The following SMCO4 variants were observed in gnomAD, a reference collection of about 807,000 sequenced individuals.
The protein encoded by SMCO4 is single-pass membrane protein with coiled-coil domains 4, also known as single-pass membrane and coiled-coil domain-containing protein 4.
SMCO4 carries 4 observed loss-of-function variants against 3.6 expected under a neutral mutation model. The ratio of observed to expected loss-of-function variants is 1.11; its 90% CI spans 0.54 to 2.53. The LOEUF (loss-of-function observed/expected upper bound fraction) is 2.53, where lower values mean the gene tolerates loss of function less well. Among genes scored for constraint, SMCO4 ranks in the 30% most tolerant of loss-of-function variants. The pLI is 0.02. For synonymous variants in SMCO4, 36 were observed against 35.3 expected (o/e 1.02, Z -0.07); for missense variants, 70 against 80.8 (o/e 0.87, Z 0.51).
chr11:93,491,837 A>G (rs1337440711), intron 2 of SMCO4, among the ~76,000 whole-genome samples: 1 of 152,156 alleles, frequency 6.6e-6, no homozygotes, highest in Non-Finnish European at 1.5e-5. Flanking sequence ...GCCTGTCCCC[A>G]TGTTTTTATG....
chr11:93,483,790 G>C (rs1489384828), intron 2 of SMCO4, among the ~76,000 whole-genome samples: 1 of 152,192 alleles, frequency 6.6e-6, no homozygotes, highest in African/African-American at 2.4e-5. Flanking sequence ...AGAAAGGACT[G>C]GCAGAGTCAA....
chr11:93,551,550 G>A, the SMCO4 span, among the ~76,000 whole-genome samples: 6 of 152,170 alleles, frequency 3.9e-5, no homozygotes, highest in African/African-American at 1.4e-4. Flanking sequence ...TCTGCTCTCT[G>A]AATTCCTGAC....
At chr11:93,530,871 C>A (rs2605629) in intron 1 of SMCO4, among the ~76,000 whole-genome samples, 2 of 152,066 alleles carry the variant, frequency 1.3e-5, no homozygotes, top group East Asian at 3.9e-4. Flanking sequence ...GACTCTTCCA[C>A]TTTTTCAGCA....
chr11:93,521,548 A>C (rs1331156857), intron 1 of SMCO4, among the ~76,000 whole-genome samples: 1 of 152,222 alleles, frequency 6.6e-6, no homozygotes, highest in Non-Finnish European at 1.5e-5. Context: ...CTGCACAAAC[A>C]GAATTCAAAC....
Position 93,539,370 on chromosome 11 carries a change from A to G in SMCO4, c.-154+3906T>C, listed in dbSNP as rs576859291. 4.6e-5 allele frequency among the ~76,000 whole-genome samples: 7 copies of G among 152,366 alleles called. No homozygotes were observed. In the East Asian group the frequency reaches 1.3e-3, roughly 29 times the overall value. On this transcript the variant is annotated intron_variant, in intron 1 of 2. Transcript: ENST00000298966. ...ACCAAAATTAACTCATTATCAAAATAATGTAGGAGGACGGAAGGAACAGGA... is the reference window on the plus strand; with the variant it reads ...ACCAAAATTAACTCATTATCAAAATGATGTAGGAGGACGGAAGGAACAGGA...
At chr11:93,493,684 G>C (rs1381527465) in intron 2 of SMCO4, among the ~76,000 whole-genome samples, 1 of 152,194 alleles carries the variant, frequency 6.6e-6, no homozygotes, top group Non-Finnish European at 1.5e-5. Context: ...GGTACAGATA[G>C]GACCTGGCTT....
intron 2 of SMCO4, among the ~76,000 whole-genome samples, chr11:93,492,866 AG>A (rs1948734662): frequency 6.6e-6 from 1 of 152,240 alleles, no homozygotes; most frequent in African/African-American, 2.4e-5. Flanking sequence ...GCTTCACTGC[AG>A]ACCTTTGATT....
chr11:93,498,240 A>G (rs573879201), intron 2 of SMCO4, among the ~76,000 whole-genome samples: 2 of 152,364 alleles, frequency 1.3e-5, no homozygotes, highest in South Asian at 4.1e-4. Context: ...TCATAAAATT[A>G]ATAAGAAACT....
rs536512784 is a variant in SMCO4, at chr11:93,480,343, G to A, written c.-80-1074C>T. 2.4e-4 allele frequency among the ~76,000 whole-genome samples: 37 copies of A among 152,170 alleles called. 1 individual carries two copies. The highest frequency in any genetic ancestry group is 8.3e-4 in the South Asian group (4 of 4,818). ...CATGGGCACTGGAGCAGGAGGTGCC[G>A]AGCCACCATGACCACCCCCAAAAAC... On this transcript the variant is annotated intron_variant, in intron 2 of 2. Coordinates refer to ENST00000298966, the MANE Select transcript of SMCO4 (RefSeq NM_020179.3).
chr11:93,479,052 C>A lies in SMCO4; in HGVS notation c.138G>T (p.Val46=), dbSNP rs542887920. ...PTLAVVVLLI[V]VFVYVATRPT... is the part of the protein sequence containing the mutation. ...GGCGCGTGGCCACGTACACAAACAC[C>A]ACGATCAAGAGCACGACCACGGCCA... The change falls in exon 3 of 3, where the codon GTG becomes GTT. Residue 46 remains valine, a synonymous_variant. Transcript: ENST00000298966. The A allele has an allele frequency of 1.9e-6, 3 of 1,613,526 alleles. No individual in the cohort carries two copies. Among genetic ancestry groups the A allele is most frequent in the Non-Finnish European group, 2.5e-6 (3 of 1,179,900 alleles).
intron 1 of SMCO4, among the ~76,000 whole-genome samples, chr11:93,520,958 T>G (rs140477767): frequency 6.6e-6 from 1 of 152,238 alleles, no homozygotes; most frequent in Non-Finnish European, 1.5e-5. Flanking sequence ...CCACTAAAAT[T>G]ATCACTGTGT....
chr11:93,503,041 A>G (rs1353735835), intron 1 of SMCO4, among the ~76,000 whole-genome samples: 1 of 152,160 alleles, frequency 6.6e-6, no homozygotes, highest in Non-Finnish European at 1.5e-5. Context: ...CTTGCTCAAG[A>G]TTAGATCCCA....
chr11:93,514,069 G>C (rs1006627609), intron 1 of SMCO4, among the ~76,000 whole-genome samples: 4 of 152,098 alleles, frequency 2.6e-5, no homozygotes, highest in East Asian at 1.9e-4. Flanking sequence ...GCTGCCTGTC[G>C]TAGGTGCTCA....
intron 1 of SMCO4, among the ~76,000 whole-genome samples, chr11:93,518,102 C>T (rs551653288): frequency 1.3e-5 from 2 of 152,230 alleles, no homozygotes; most frequent in Admixed American, 6.5e-5. Flanking sequence ...TCGATCCACA[C>T]AACCTCTTCC....
At chr11:93,536,755 G>A (rs529441368) in intron 1 of SMCO4, among the ~76,000 whole-genome samples, 7 of 152,104 alleles carry the variant, frequency 4.6e-5, no homozygotes, top group Non-Finnish European at 8.8e-5. Context: ...GGCTGCAGGA[G>A]AATACATTTA....
chr11:93,494,409 T>A (rs1410367931), intron 2 of SMCO4, among the ~76,000 whole-genome samples: 3 of 152,170 alleles, frequency 2.0e-5, no homozygotes. Context: ...AAGTTAACAG[T>A]ATAATTAGAC....
intron 2 of SMCO4, among the ~76,000 whole-genome samples, chr11:93,493,007 G>T (rs1288299763): frequency 1.3e-5 from 2 of 152,198 alleles, no homozygotes; most frequent in Admixed American, 1.3e-4. Context: ...GAAAGGGAAT[G>T]ACCCCATCAG....
At chr11:93,503,265 C>T (rs183432819) in intron 1 of SMCO4, among the ~76,000 whole-genome samples, 8 of 152,314 alleles carry the variant, frequency 5.3e-5, no homozygotes, top group East Asian at 1.9e-4. Context: ...ATGTCTTACA[C>T]GGTGGCAGAC....
chr11:93,511,925 C>T (rs1343986429), intron 1 of SMCO4, among the ~76,000 whole-genome samples: 2 of 152,184 alleles, frequency 1.3e-5, no homozygotes, highest in African/African-American at 4.8e-5. Context: ...ACCACCCTCA[C>T]TCACTGATCC....
Sources: gnomAD v4.1 joint callset for allele counts (sites outside exome capture counted in the v4.1 genomes callset) on GRCh38, gnomAD v4.1.1 for gene constraint, MANE v1.5 for transcripts, NCBI Gene and HGNC (gene_info 2026-07-23, HGNC 2026-07-21) for gene names.